Variants in LOXHD1 observed in about 807,000 individuals in gnomAD.
LOXHD1 encodes lipoxygenase homology domain-containing protein 1.
Under a neutral mutation model 248.2 loss-of-function variants are expected in LOXHD1, and 205 were observed. The observed-to-expected ratio is 0.83, with a 90% CI of 0.74 to 0.93. LOXHD1 has a LOEUF of 0.93. LOXHD1 is among the 40% of genes least tolerant of loss of function. LOXHD1 has a pLI of 0.00. For synonymous variants in LOXHD1, 1,113 were observed against 1,162.8 expected (o/e 0.96, Z 0.87); for missense variants, 2,930 against 2,971.6 (o/e 0.99, Z 0.33).
At chr18:46,562,082 G>A (rs537710340) in intron 18 of LOXHD1, among the ~76,000 whole-genome samples, 9 of 152,314 alleles carry the variant, frequency 5.9e-5, no homozygotes, top group East Asian at 1.9e-4. Context: ...GAAGCCAGCC[G>A]GGCAGGTATT....
At chr18:46,638,970 A>G (rs1019636568) in intron 4 of LOXHD1, among the ~76,000 whole-genome samples, 1 of 152,200 alleles carries the variant, frequency 6.6e-6, no homozygotes, top group Non-Finnish European at 1.5e-5. Flanking sequence ...GGTGCCGGCA[A>G]TGTAATGCCC....
intron 34 of LOXHD1, among the ~76,000 whole-genome samples, chr18:46,514,215 C>T (rs2035126558): frequency 6.6e-6 from 1 of 152,188 alleles, no homozygotes; most frequent in African/African-American, 2.4e-5. Context: ...CTGCCAGTCT[C>T]CTCTTAAAGG....
Position 46,560,209 on chromosome 18 carries a change from A to G in LOXHD1, c.2935T>C (p.Phe979Leu). 1.3e-6 allele frequency: 2 copies of G among 1,550,034 alleles called. No homozygotes were observed. Among genetic ancestry groups the G allele is most frequent in the Non-Finnish European group, 1.7e-6 (2 of 1,146,496 alleles). ...EMEEEEEEEE[F>L]GPGMQEVIEQ... ...ATCACCTCCTGCATCCCCGGCCCAA[A>G]CTCCTCCTCTTCCTCCTCTTCTTCC... The change falls in exon 19 of 41, where the codon TTT (phenylalanine) becomes CTT (leucine). Residue 979 changes from phenylalanine (F) to leucine (L), a missense_variant. Physicochemically the swap from Phe to Leu is conservative, Grantham distance 22 (BLOSUM62 0). Coordinates refer to ENST00000642948, the MANE Select transcript of LOXHD1 (RefSeq NM_001384474.1).
intron 1 of LOXHD1, among the ~76,000 whole-genome samples, chr18:46,651,626 T>C (rs1456122738): frequency 6.6e-6 from 1 of 151,930 alleles, no homozygotes; most frequent in Non-Finnish European, 1.5e-5. Context: ...GATGCACAGC[T>C]ACTTCTTAAA....
intron 4 of LOXHD1, among the ~76,000 whole-genome samples, chr18:46,624,464 G>A (rs2038712341): frequency 6.6e-6 from 1 of 152,170 alleles, no homozygotes; most frequent in Non-Finnish European, 1.5e-5. Flanking sequence ...GCCATGTGCC[G>A]GTGCCGGAAG....
Position 46,517,307 on chromosome 18 carries a change from T to C in LOXHD1, c.5399+822A>G, listed in dbSNP as rs375376270. ...GGAGGGCCATCTTTAATGTCATTAC[T>C]AATCACTAATGAGTGATTAGGACTG... On this transcript the variant is annotated intron_variant, in intron 34 of 40. Coordinates refer to ENST00000642948, the MANE Select transcript of LOXHD1 (RefSeq NM_001384474.1). Among the ~76,000 whole-genome samples, 4 of 152,264 alleles carry C rather than the reference T, an allele frequency of 2.6e-5. No homozygotes were observed. The East Asian group carries it at 7.7e-4, about 29-fold the overall frequency.
intron 40 of LOXHD1, among the ~76,000 whole-genome samples, chr18:46,482,839 T>A (rs2032698419): frequency 6.6e-6 from 1 of 152,174 alleles, no homozygotes; most frequent in Non-Finnish European, 1.5e-5. Flanking sequence ...TCCACAGTGG[T>A]TCTGGCCCTG....
chr18:46,608,975 C>T (rs2038463825), intron 6 of LOXHD1, among the ~76,000 whole-genome samples: 1 of 152,234 alleles, frequency 6.6e-6, no homozygotes, highest in South Asian at 2.1e-4. Context: ...TCCCAGTTTT[C>T]ACTGCAGCTA....
intron 27 of LOXHD1, chr18:46,533,651 T>A: frequency 3.0e-6 from 1 of 328,540 alleles, no homozygotes; most frequent in South Asian, 2.8e-5. Flanking sequence ...TGGCTGGGCA[T>A]GGTGGCTCAT....
chr18:46,549,986 T>C (rs2037018860), intron 21 of LOXHD1, among the ~76,000 whole-genome samples: 1 of 152,226 alleles, frequency 6.6e-6, no homozygotes, highest in South Asian at 2.1e-4. Context: ...TTATTGCAGA[T>C]CTTAAAAATG....
chr18:46,515,031 C>T (rs2035173882), intron 34 of LOXHD1, among the ~76,000 whole-genome samples: 2 of 152,192 alleles, frequency 1.3e-5, no homozygotes, highest in Admixed American at 6.5e-5. Context: ...TTACCAGAAC[C>T]ATTTTCTCTG....
chr18:46,488,351 A>G (rs1308898711), intron 38 of LOXHD1, among the ~76,000 whole-genome samples: 1 of 152,222 alleles, frequency 6.6e-6, no homozygotes, highest in Non-Finnish European at 1.5e-5. Flanking sequence ...ACTGAGATTT[A>G]GGGGTTTGCC....
At chr18:46,569,679 T>A in intron 15 of LOXHD1, 41 bp from the exon 16 acceptor site, 1 of 1,497,088 alleles carries the variant, frequency 6.7e-7, no homozygotes, top group Non-Finnish European at 9.1e-7. Context: ...AAGGGGTTAG[T>A]GCAGGGGGTG....
At chr18:46,550,906 G>A (rs184526703) in intron 21 of LOXHD1, among the ~76,000 whole-genome samples, 1 of 152,182 alleles carries the variant, frequency 6.6e-6, no homozygotes, top group Non-Finnish European at 1.5e-5. Flanking sequence ...GAGTATATTT[G>A]TCTGTTCCTC....
At position 46,545,298 on chromosome 18, in the gene LOXHD1, C is replaced by G; in HGVS notation, c.3619+19G>C. 6.6e-7 allele frequency: 1 copy of G among 1,521,534 alleles called. No individual in the cohort carries two copies. Among genetic ancestry groups the G allele is most frequent in the South Asian group, 1.2e-5 (1 of 83,416 alleles). 94.3% of individuals were successfully genotyped at this position (1,521,534 alleles called of 1,614,324 possible). ...GGGGAAGAATGTGGGTGAATCTTGG[C>G]CCTGCACTGCTTTCTTACCAGTGTC... On this transcript the variant is annotated intron_variant, in intron 23 of 40. Transcript: ENST00000642948.
At chr18:46,500,169 G>A (rs943129244) in intron 37 of LOXHD1, among the ~76,000 whole-genome samples, 5 of 151,682 alleles carry the variant, frequency 3.3e-5, no homozygotes, top group African/African-American at 1.2e-4. Flanking sequence ...GCTCTACACC[G>A]CCCTTGCTAT....
At chr18:46,552,812 C>T (rs1356924781) in intron 21 of LOXHD1, among the ~76,000 whole-genome samples, 3 of 152,210 alleles carry the variant, frequency 2.0e-5, no homozygotes, top group African/African-American at 7.2e-5. Flanking sequence ...TCTCCAGCCT[C>T]CCTTTCCGTT....
In LOXHD1 at chr18:46,560,604, A is replaced by G; in HGVS notation, c.2599-59T>C. The G allele has an allele frequency of 4.9e-6, 7 of 1,422,000 alleles. No individual in the cohort carries two copies. The South Asian group carries it at 6.9e-5, about 14-fold the overall frequency. The allele number at this position is 1,422,000 out of a possible 1,614,324, so 88.1% of individuals were successfully genotyped here. A position where few individuals can be genotyped will look rare whatever the true frequency, so the allele number is the denominator to read the frequency against. On this transcript the variant is annotated intron_variant, in intron 18 of 40. Coordinates refer to ENST00000642948, the MANE Select transcript of LOXHD1 (RefSeq NM_001384474.1). ...CCCAGCGTCCTCCCCAACGCCCCCAACACCCCCGCCCAACAAAGAGCCAGG... is the reference window on the plus strand; with the variant it reads ...CCCAGCGTCCTCCCCAACGCCCCCAGCACCCCCGCCCAACAAAGAGCCAGG...
At chr18:46,574,388 T>TACGCACACACACAC (rs2037812938) in intron 14 of LOXHD1, among the ~76,000 whole-genome samples, 3 of 125,242 alleles carry the variant, frequency 2.4e-5, no homozygotes, top group African/African-American at 1.0e-4. Flanking sequence ...TGTGTACACA[T>TACGCACACACACAC]ACACACACAC....
Sources: allele counts gnomAD v4.1 joint callset (sites outside exome capture counted in the v4.1 genomes callset), GRCh38; gene constraint gnomAD v4.1.1; transcripts MANE v1.5; gene names NCBI Gene and HGNC (gene_info 2026-07-23, HGNC 2026-07-21).